PARM1: variants seen among roughly 807,000 people sequenced by gnomAD.
PARM1 encodes prostate androgen-regulated mucin-like protein 1.
In PARM1, 14 loss-of-function variants were observed where a neutral mutation model predicts 24.6. The observed-to-expected ratio is 0.57, with a 90% CI of 0.38 to 0.89. The LOEUF is 0.89. PARM1 is among the 40% of genes least tolerant of loss of function. The pLI, the probability that PARM1 is intolerant of heterozygous loss-of-function variation, is 0.00. For missense variants in PARM1, 362 were observed against 380.4 expected (o/e 0.95, Z 0.40); for synonymous variants, 179 against 156.6 (o/e 1.14, Z -1.07).
At chr4:75,002,360 G>A (rs1156840080) in intron 1 of PARM1, among the ~76,000 whole-genome samples, 1 of 152,164 alleles carries the variant, frequency 6.6e-6, no homozygotes, top group Non-Finnish European at 1.5e-5. Context: ...TAGGAGGTGG[G>A]TAGAAGGGTA....
intron 1 of PARM1, among the ~76,000 whole-genome samples, chr4:75,009,970 A>T (rs752950004): frequency 3.2e-4 from 48 of 152,240 alleles, no homozygotes; most frequent in Non-Finnish European, 1.6e-4. Flanking sequence ...TAAGCAAAAA[A>T]TTACCATATG....
At chr4:74,971,293 T>C (rs1226316089) in intron 1 of PARM1, among the ~76,000 whole-genome samples, 1 of 152,150 alleles carries the variant, frequency 6.6e-6, no homozygotes, top group Non-Finnish European at 1.5e-5. Context: ...CCATGAGATC[T>C]TGTGAGATTT....
At chr4:74,962,806 T>A (rs1442666143) in intron 1 of PARM1, among the ~76,000 whole-genome samples, 1 of 152,196 alleles carries the variant, frequency 6.6e-6, no homozygotes, top group Non-Finnish European at 1.5e-5. Context: ...GTTTCAGTTT[T>A]GCAAAATGAA....
chr4:75,003,098 T>G (rs978382214), intron 1 of PARM1, among the ~76,000 whole-genome samples: 4 of 152,122 alleles, frequency 2.6e-5, no homozygotes, highest in Admixed American at 6.5e-5. Flanking sequence ...ATATCCACCT[T>G]CAACCACAAA....
intron 2 of PARM1, among the ~76,000 whole-genome samples, chr4:75,015,207 T>C (rs1026665537): frequency 6.6e-6 from 1 of 152,198 alleles, no homozygotes; most frequent in Non-Finnish European, 1.5e-5. Context: ...ACAAGTACCT[T>C]AGTTTTATGG....
chr4:74,971,244 A>G (rs1467606864), intron 1 of PARM1, among the ~76,000 whole-genome samples: 2 of 152,208 alleles, frequency 1.3e-5, no homozygotes. Flanking sequence ...CATGATGGTA[A>G]GCAAGAGAGT....
At chr4:74,938,202 T>C (rs746711170) in intron 1 of PARM1, among the ~76,000 whole-genome samples, 4 of 152,224 alleles carry the variant, frequency 2.6e-5, no homozygotes, top group Non-Finnish European at 5.9e-5. Flanking sequence ...GAGAAAAATA[T>C]TGGTCAAATA....
chr4:75,003,308 T>C (rs17000071), intron 1 of PARM1, among the ~76,000 whole-genome samples: 1,623 of 150,068 alleles, frequency 0.011, 37 homozygotes, highest in African/African-American at 0.038. Flanking sequence ...CAAAGACAGA[T>C]GTTGCATCTA....
rs1721106701 is a variant in PARM1, at chr4:74,933,345, C to T, written c.18C>T (p.Leu6=). 6.2e-7 allele frequency: 1 copy of T among 1,612,678 alleles called. No homozygotes were observed. The highest frequency in any genetic ancestry group is 1.7e-5 in the Admixed American group (1 of 59,802). The change falls in exon 1 of 4, where the codon CTC becomes CTT. Residue 6 remains leucine, a synonymous_variant. Coordinates refer to ENST00000307428, the MANE Select transcript of PARM1 (RefSeq NM_015393.4). MVYKT[L]FALCILTAGW... is the part of the protein sequence containing the mutation. ...AGGCTACCATGGTCTACAAGACTCT[C>T]TTCGCTCTTTGCATCTTAACTGCAG...
At chr4:74,977,609 C>T (rs1722164207) in intron 1 of PARM1, among the ~76,000 whole-genome samples, 1 of 152,148 alleles carries the variant, frequency 6.6e-6, no homozygotes, top group Non-Finnish European at 1.5e-5. Context: ...CCTGGAAATT[C>T]AGAGAACCCC....
intron 1 of PARM1, chr4:74,970,405 C>T (rs1278700180): frequency 1.3e-5 from 2 of 152,174 alleles, no homozygotes; most frequent in Non-Finnish European, 2.9e-5. Context: ...TGTCAGCCGC[C>T]AGGCTCTTAG....
chr4:74,962,182 T>C (rs758809445), intron 1 of PARM1, among the ~76,000 whole-genome samples: 3 of 152,320 alleles, frequency 2.0e-5, no homozygotes, highest in South Asian at 2.1e-4. Context: ...GGAGCTGTAT[T>C]GGAGCAGAGT....
intron 1 of PARM1, among the ~76,000 whole-genome samples, chr4:74,939,131 CT>C (rs1290124881): frequency 6.6e-6 from 1 of 152,124 alleles, no homozygotes; most frequent in African/African-American, 2.4e-5. Flanking sequence ...GCCAACCATA[CT>C]TTTGGCCTTT....
At chr4:74,990,192 G>T (rs1000812257) in intron 1 of PARM1, among the ~76,000 whole-genome samples, 1 of 152,136 alleles carries the variant, frequency 6.6e-6, no homozygotes, top group African/African-American at 2.4e-5. Flanking sequence ...CAGATTGGCA[G>T]GGAAGATGCA....
chr4:75,027,387 C>G (rs1249393523), intron 2 of PARM1, among the ~76,000 whole-genome samples: 1 of 152,006 alleles, frequency 6.6e-6, no homozygotes, highest in Non-Finnish European at 1.5e-5. Flanking sequence ...ATGTGCTTCC[C>G]CTGGCATGGG....
chr4:74,947,878 T>C (rs143248671), intron 1 of PARM1, among the ~76,000 whole-genome samples: 6 of 152,160 alleles, frequency 3.9e-5, no homozygotes, highest in Non-Finnish European at 8.8e-5. Context: ...GTCCGCAGTG[T>C]TTAGCAAGTG....
rs190871477 is a variant in PARM1 at position 74,964,805 on chromosome 4, G to A, written c.43+31435G>A. Reference sequence around the variant, plus strand: ...AATAAAAGAAAAACTCTATTAATAGGTAGTGACTAGCAACTAAACACAATG... The same window carrying A: ...AATAAAAGAAAAACTCTATTAATAGATAGTGACTAGCAACTAAACACAATG... On this transcript the variant is annotated intron_variant, in intron 1 of 3. Transcript: ENST00000307428. Among the ~76,000 whole-genome samples the A allele has an allele frequency of 2.1e-3, 314 of 152,108 alleles. 2 individuals are homozygous for A. The highest frequency in any genetic ancestry group is 3.3e-3 in the Non-Finnish European group (221 of 67,986).
At chr4:75,042,221 A>G (rs79034790) in intron 3 of PARM1, among the ~76,000 whole-genome samples, 2,917 of 152,330 alleles carry the variant, frequency 0.019, 43 homozygotes, top group Middle Eastern at 0.071. Flanking sequence ...CAACAGCAAC[A>G]TGTTAGGTGT....
intron 1 of PARM1, among the ~76,000 whole-genome samples, chr4:74,989,044 G>A (rs920725593): frequency 6.6e-5 from 10 of 152,124 alleles, no homozygotes; most frequent in Non-Finnish European, 1.5e-4. Flanking sequence ...CAAGGATAGA[G>A]AGGAAAAAAC....
Sources: gnomAD v4.1 joint callset for allele counts (sites outside exome capture counted in the v4.1 genomes callset) on GRCh38, gnomAD v4.1.1 for gene constraint, MANE v1.5 for transcripts, NCBI Gene and HGNC (gene_info 2026-07-23, HGNC 2026-07-21) for gene names.